The following RGS21 variants were observed in gnomAD, a reference collection of about 807,000 sequenced individuals.
RGS21 encodes the protein regulator of G protein signaling 21.
RGS21 carries 19 observed loss-of-function variants against 18.7 expected under a neutral mutation model. The observed-to-expected ratio is 1.01, with a 90% confidence interval of 0.71 to 1.49. RGS21 has a LOEUF of 1.49. Ranked by LOEUF, RGS21 falls within the 40% of genes most tolerant of loss-of-function variation. The pLI, the probability that RGS21 is intolerant of heterozygous loss-of-function variation, is 0.00. For missense variants in RGS21, 194 were observed against 176.8 expected, an observed-to-expected ratio of 1.10 and a Z score of -0.55; for synonymous variants, 56 against 57.8, an observed-to-expected ratio of 0.97 and a Z score of 0.14.
intron 2 of RGS21, 149 bp from the exon 3 acceptor site, chr1:192,347,164 C>A: frequency 1.8e-6 from 1 of 540,792 alleles, no homozygotes; most frequent in Non-Finnish European, 3.4e-6. Context: ...TAGCTAACTA[C>A]TGTAAATAGC....
At position 192,317,010 on chromosome 1, in the gene RGS21, A is replaced by G. The variant is rs996983504; in HGVS notation, c.-156A>G. The G allele has an allele frequency of 6.6e-6, 1 of 151,976 alleles. No homozygotes were observed. The highest frequency in any genetic ancestry group is 2.4e-5 in the African/African-American group (1 of 41,454). The allele number at this position is 151,976 out of a possible 1,614,324, so 9.4% of individuals were successfully genotyped here. A position where few individuals can be genotyped will look rare whatever the true frequency, so the allele number is the denominator to read the frequency against. ...TAGAAAAGTTACCACTTGGAAAACA[A>G]TTCATCTGAAAGAAGCACAGATTTT... On this transcript the variant is annotated 5_prime_UTR_variant, in exon 1 of 5. Transcript: ENST00000417209.
chr1:192,323,664 G>A (rs998828023), intron 1 of RGS21, among the ~76,000 whole-genome samples: 13 of 152,086 alleles, frequency 8.5e-5, no homozygotes, highest in Non-Finnish European at 1.5e-5. Flanking sequence ...GACGCTTATG[G>A]AGATTTTAAG....
At chr1:192,347,208 T>C (rs1658962888) in intron 2 of RGS21, 105 bp from the exon 3 acceptor site, 1 of 707,168 alleles carries the variant, frequency 1.4e-6, no homozygotes, top group Non-Finnish European at 2.5e-6. Context: ...GCTGTTTGAT[T>C]AACAGCATGA....
chr1:192,351,943 C>A (rs1019377384), intron 3 of RGS21, 104 bp from the exon 4 acceptor site: 10 of 605,604 alleles, frequency 1.7e-5, no homozygotes, highest in Non-Finnish European at 2.8e-5. Context: ...TCAATATTTG[C>A]CACTGAATAT....
At chr1:192,362,452 G>A (rs1028904322) in intron 4 of RGS21, among the ~76,000 whole-genome samples, 103 of 152,290 alleles carry the variant, frequency 6.8e-4, no homozygotes, top group African/African-American at 2.3e-3. Context: ...ATGTGCACAC[G>A]CACAAACACA....
intron 1 of RGS21, among the ~76,000 whole-genome samples, chr1:192,319,119 C>A (rs1247986423): frequency 6.6e-6 from 1 of 151,968 alleles, no homozygotes; most frequent in Admixed American, 6.6e-5. Context: ...TGTGGTGGTC[C>A]ACACTTGTAA....
chr1:192,341,467 G>C (rs1233248284), intron 1 of RGS21, among the ~76,000 whole-genome samples: 1 of 152,034 alleles, frequency 6.6e-6, no homozygotes, highest in African/African-American at 2.4e-5. Flanking sequence ...AAGATACATT[G>C]AATGCTATAA....
chr1:192,318,415 A>T (rs2102219181), intron 1 of RGS21, among the ~76,000 whole-genome samples: 1 of 152,240 alleles, frequency 6.6e-6, no homozygotes, highest in African/African-American at 2.4e-5. Flanking sequence ...TGCCTCTAAC[A>T]TTCCCCCTCC....
At chr1:192,337,563 G>A (rs898922312) in intron 1 of RGS21, among the ~76,000 whole-genome samples, 1 of 152,074 alleles carries the variant, frequency 6.6e-6, no homozygotes, top group Non-Finnish European at 1.5e-5. Context: ...AGACAGGAAA[G>A]GTTAGCTCAG....
chr1:192,359,419 T>C (rs1006730216), intron 4 of RGS21, among the ~76,000 whole-genome samples: 1 of 151,936 alleles, frequency 6.6e-6, no homozygotes, highest in Non-Finnish European at 1.5e-5. Flanking sequence ...TTCTAGAGTG[T>C]CACCTCCTGA....
At chr1:192,320,502 G>A (rs866408746) in intron 1 of RGS21, among the ~76,000 whole-genome samples, 2 of 138,706 alleles carry the variant, frequency 1.4e-5, no homozygotes, top group African/African-American at 2.8e-5. Flanking sequence ...GTAAAGGAAT[G>A]TGTATGTGTA....
chr1:192,354,107 C>T (rs1235847477), intron 4 of RGS21, among the ~76,000 whole-genome samples: 1 of 151,596 alleles, frequency 6.6e-6, no homozygotes, highest in Non-Finnish European at 1.5e-5. Context: ...CTCTATAGTT[C>T]ATCAGTTATG....
At chr1:192,358,264 T>A (rs181844925) in intron 4 of RGS21, among the ~76,000 whole-genome samples, 1 of 152,130 alleles carries the variant, frequency 6.6e-6, no homozygotes, top group Non-Finnish European at 1.5e-5. Context: ...CAATTTAAGG[T>A]GTTAATCTTA....
intron 1 of RGS21, among the ~76,000 whole-genome samples, chr1:192,328,989 T>C (rs1658608550): frequency 6.6e-6 from 1 of 152,128 alleles, no homozygotes; most frequent in African/African-American, 2.4e-5. Flanking sequence ...CAATTTAAAA[T>C]TATTTCTCAT....
chr1:192,330,407 A>G (rs1283572646), intron 1 of RGS21, among the ~76,000 whole-genome samples: 2 of 152,218 alleles, frequency 1.3e-5, no homozygotes, highest in Non-Finnish European at 2.9e-5. Flanking sequence ...GTGGGGAAAG[A>G]ATTTTCCTAA....
chr1:192,347,458 G>T, intron 3 of RGS21, 69 bp downstream of exon 3: 1 of 774,202 alleles, frequency 1.3e-6, no homozygotes, highest in South Asian at 1.7e-5. Flanking sequence ...CTGAAAGTTG[G>T]TAACATATCA....
chr1:192,328,706 C>A (rs1429239712), intron 1 of RGS21, among the ~76,000 whole-genome samples: 1 of 151,994 alleles, frequency 6.6e-6, no homozygotes, highest in Non-Finnish European at 1.5e-5. Flanking sequence ...AATCTCATTT[C>A]TAAGAATTTA....
At chr1:192,344,051 A>G (rs922467208) in intron 2 of RGS21, among the ~76,000 whole-genome samples, 27 of 152,104 alleles carry the variant, frequency 1.8e-4, no homozygotes, top group African/African-American at 6.3e-4. Flanking sequence ...CCCATCTACC[A>G]TAAGAAATGC....
intron 4 of RGS21, among the ~76,000 whole-genome samples, chr1:192,357,975 T>C (rs1245484763): frequency 6.6e-6 from 1 of 152,064 alleles, no homozygotes; most frequent in African/African-American, 2.4e-5. Context: ...TTTACACTTC[T>C]GTGTCTCTGT....
Sources: gnomAD v4.1 joint callset for allele counts (sites outside exome capture counted in the v4.1 genomes callset) on GRCh38, gnomAD v4.1.1 for gene constraint, MANE v1.5 for transcripts, NCBI Gene and HGNC (gene_info 2026-07-23, HGNC 2026-07-21) for gene names.